NBDY: variants seen among roughly 807,000 people sequenced by gnomAD.
NBDY encodes negative regulator of P-body association, also known as P-body dissociating protein.
At chrX:56,748,536 G>C (rs1424637561) in intron 2 of NBDY, among the ~76,000 whole-genome samples, 2 of 107,771 alleles carry the variant, frequency 1.9e-5, no homozygotes, top group African/African-American at 3.4e-5. Context: ...GGTATATATA[G>C]AGAAAAGTTA....
chrX:56,743,453 A>G (rs1045897640), intron 2 of NBDY, among the ~76,000 whole-genome samples: 2 of 110,419 alleles, frequency 1.8e-5, no homozygotes, highest in African/African-American at 6.6e-5. Flanking sequence ...ACTTTTTATT[A>G]TGGCTTTTTA....
intron 2 of NBDY, among the ~76,000 whole-genome samples, chrX:56,733,311 T>A (rs890846823): frequency 5.4e-5 from 6 of 111,341 alleles, no homozygotes; most frequent in African/African-American, 2.0e-4. Context: ...TTTTCTTTTT[T>A]AATTTTTTTT....
intron 2 of NBDY, among the ~76,000 whole-genome samples, chrX:56,767,188 A>T (rs2069670338): frequency 8.8e-6 from 1 of 113,105 alleles, no homozygotes; most frequent in African/African-American, 3.2e-5. Context: ...TTTCTCTTTT[A>T]CTTTCTACAC....
intron 2 of NBDY, among the ~76,000 whole-genome samples, chrX:56,766,456 G>A (rs1214333820): frequency 9.0e-6 from 1 of 110,917 alleles, no homozygotes; most frequent in Non-Finnish European, 1.9e-5. Flanking sequence ...ACAAAAACAC[G>A]CTTACACATA....
chrX:56,756,748 T>TG (rs1450937947), intron 2 of NBDY, among the ~76,000 whole-genome samples: 2 of 111,536 alleles, frequency 1.8e-5, no homozygotes, highest in African/African-American at 3.3e-5. Context: ...GCGGATCACT[T>TG]GAGGTCAGGA....
At chrX:56,738,958 T>G (rs904057606) in intron 2 of NBDY, among the ~76,000 whole-genome samples, 6 of 109,597 alleles carry the variant, frequency 5.5e-5, no homozygotes, top group African/African-American at 2.0e-4. Flanking sequence ...TCTTGGTTTC[T>G]CTGTGCAGCA....
chrX:56,806,818 A>G (rs2069853433), intron 2 of NBDY, among the ~76,000 whole-genome samples: 2 of 111,798 alleles, frequency 1.8e-5, no homozygotes, highest in African/African-American at 6.5e-5. Context: ...CTTTAGTTTA[A>G]TTATATCCCA....
intron 1 of NBDY, among the ~76,000 whole-genome samples, chrX:56,730,347 C>G (rs932736732): frequency 1.9e-5 from 2 of 105,626 alleles, no homozygotes; most frequent in African/African-American, 6.9e-5. Context: ...CCCGTCTCTA[C>G]TAAAGTTACA....
chrX:56,794,035 C>T (rs1201755011), intron 2 of NBDY, among the ~76,000 whole-genome samples: 2 of 112,415 alleles, frequency 1.8e-5, no homozygotes, highest in Non-Finnish European at 3.8e-5. Flanking sequence ...CCCTTATGCA[C>T]ATCTCAAAAT....
At chrX:56,802,686 G>A (rs761014404) in intron 2 of NBDY, among the ~76,000 whole-genome samples, 2 of 113,222 alleles carry the variant, frequency 1.8e-5, no homozygotes, top group Admixed American at 9.2e-5. Context: ...GTCCTGGGGC[G>A]GCAGCCCCAT....
chrX:56,758,423 G>A (rs984950877), intron 2 of NBDY, among the ~76,000 whole-genome samples: 1 of 111,381 alleles, frequency 9.0e-6, no homozygotes, highest in Non-Finnish European at 1.9e-5. Context: ...GGCATCTGTC[G>A]GGATGGGGCA....
At chrX:56,816,195 A>T (rs889119147) in intron 2 of NBDY, among the ~76,000 whole-genome samples, 1 of 111,058 alleles carries the variant, frequency 9.0e-6, no homozygotes, top group Non-Finnish European at 1.9e-5. Context: ...ATAGTCAAAG[A>T]ACAGGCAATT....
At chrX:56,756,262 G>A (rs1322347551) in intron 2 of NBDY, among the ~76,000 whole-genome samples, 1 of 108,446 alleles carries the variant, frequency 9.2e-6, no homozygotes, top group Non-Finnish European at 1.9e-5. Context: ...TGCGCATTGT[G>A]CACATATACC....
intron 2 of NBDY, among the ~76,000 whole-genome samples, chrX:56,760,776 C>T (rs766141794): frequency 8.9e-6 from 1 of 112,477 alleles, no homozygotes; most frequent in Admixed American, 9.4e-5. Flanking sequence ...TTGCTCCTCA[C>T]CTACATGGTC....
intron 2 of NBDY, among the ~76,000 whole-genome samples, chrX:56,804,655 T>C (rs1328986842): frequency 1.8e-5 from 2 of 112,141 alleles, no homozygotes; most frequent in Non-Finnish European, 3.8e-5. Context: ...AGGTGGCTGT[T>C]CCTTGGTTTG....
intron 2 of NBDY, among the ~76,000 whole-genome samples, chrX:56,758,317 A>G (rs1365156299): frequency 2.7e-5 from 1 of 37,629 alleles, no homozygotes; most frequent in Non-Finnish European, 8.8e-5. Context: ...CTCTGTCTCG[A>G]AAAAAAAAAA....
At chrX:56,756,173 C>A (rs1421674626) in intron 2 of NBDY, among the ~76,000 whole-genome samples, 4 of 103,727 alleles carry the variant, frequency 3.9e-5, no homozygotes, top group South Asian at 4.6e-4. Context: ...GATAGCATTA[C>A]GAAATATACC....
In NBDY at chrX:56,756,781, A is replaced by G. The variant is rs2069613436; in HGVS notation, c.*166+24582A>G. Among the ~76,000 whole-genome samples, 5 of 111,202 alleles carry G rather than the reference A, an allele frequency of 4.5e-5. No homozygotes were observed. In the South Asian group the frequency reaches 1.9e-3, roughly 43 times the overall value. On this transcript the variant is annotated intron_variant, in intron 2 of 2. Coordinates refer to ENST00000374922, the MANE Select transcript of NBDY (RefSeq NM_001348129.2). ...GGAGTTTGAGACTAGGCTGTCCAACATGGTGAAACCCTGTCTCTACAAAAA... is the reference window on the plus strand; with the variant it reads ...GGAGTTTGAGACTAGGCTGTCCAACGTGGTGAAACCCTGTCTCTACAAAAA...
chrX:56,798,336 G>T (rs2069804071), intron 2 of NBDY, among the ~76,000 whole-genome samples: 1 of 112,132 alleles, frequency 8.9e-6, no homozygotes, highest in East Asian at 2.8e-4. Flanking sequence ...GATGTCATGG[G>T]AATCTGTGGC....
Sources: allele counts gnomAD v4.1 joint callset (sites outside exome capture counted in the v4.1 genomes callset), GRCh38; gene constraint gnomAD v4.1.1; transcripts MANE v1.5; gene names NCBI Gene and HGNC (gene_info 2026-07-23, HGNC 2026-07-21).